Variants in TAF1A observed in about 807,000 individuals in gnomAD.
TAF1A encodes the protein TATA box-binding protein-associated factor RNA polymerase I subunit A.
A neutral mutation model predicts 61.6 loss-of-function variants in TAF1A; 42 were observed. That is an observed-to-expected ratio of 0.68 (90% confidence interval 0.53 to 0.88). The LOEUF is 0.88. Ranked by LOEUF, TAF1A falls within the 40% of genes least tolerant of loss-of-function variation. TAF1A has a pLI of 0.00. For missense variants in TAF1A, 424 were observed against 518.7 expected (o/e 0.82, Z 1.77); for synonymous variants, 179 against 177.7 (o/e 1.01, Z -0.06).
intron 7 of TAF1A, among the ~76,000 whole-genome samples, chr1:222,567,954 T>C: frequency 6.6e-6 from 1 of 152,146 alleles, no homozygotes; most frequent in Non-Finnish European, 1.5e-5. Flanking sequence ...TGAATTTTCA[T>C]CTATTGAGGT....
intron 5 of TAF1A, among the ~76,000 whole-genome samples, chr1:222,574,133 C>T (rs1265594580): frequency 6.6e-6 from 1 of 152,066 alleles, no homozygotes; most frequent in Non-Finnish European, 1.5e-5. Context: ...AATGGGAGAG[C>T]ACAGGGTTTC....
In TAF1A at chr1:222,577,448, G is replaced by A; in HGVS notation, c.601C>T (p.Leu201Phe). The change falls in exon 5 of 11, where the codon CTT becomes TTT. Residue 201 changes from leucine (L) to phenylalanine (F), a missense_variant. Coordinates refer to ENST00000352967, the MANE Select transcript of TAF1A (RefSeq NM_005681.4). The part of the protein sequence containing the change: ...WSEKKMELSK[L>F]DKDDYAYNAV... ...AAGTTTACCTGTATTCACTTACCAA[G>A]CTTTGACAATTCCATCTTCTTTTCA... The A allele has an allele frequency of 6.2e-7, 1 of 1,613,584 alleles. No individual in the cohort carries two copies. Among genetic ancestry groups the A allele is most frequent in the Non-Finnish European group, 8.5e-7 (1 of 1,179,684 alleles).
intron 3 of TAF1A, among the ~76,000 whole-genome samples, chr1:222,583,566 A>G (rs1660882452): frequency 1.3e-5 from 2 of 152,144 alleles, no homozygotes; most frequent in Non-Finnish European, 2.9e-5. Context: ...TAGGCTGGGC[A>G]TGGTGGCTCA....
At chr1:222,588,723 C>G (rs1318585230) in intron 1 of TAF1A, among the ~76,000 whole-genome samples, 158 bp from the exon 2 acceptor site, 1 of 152,144 alleles carries the variant, frequency 6.6e-6, no homozygotes, top group Non-Finnish European at 1.5e-5. Context: ...ATGAATTTAA[C>G]TATGTCAGCA....
rs139056207 is a variant in TAF1A at position 222,570,038 on chromosome 1, A to G, written c.736-370T>C. Among the ~76,000 whole-genome samples, 3 of 152,310 alleles carry G rather than the reference A, an allele frequency of 2.0e-5. No individual in the cohort carries two copies. The East Asian group carries it at 5.8e-4, about 29-fold the overall frequency. On this transcript the variant is annotated intron_variant, in intron 6 of 10. Transcript: ENST00000352967. ...TGATTTTGGAGATTATCTTCTGACA[A>G]CACAATTATCAACTTGCCACTCATT...
chr1:222,577,722 C>T (rs1424067585), intron 4 of TAF1A, 79 bp from the exon 5 acceptor site: 1 of 1,287,060 alleles, frequency 7.8e-7, no homozygotes, highest in Non-Finnish European at 1.1e-6. Context: ...ATATATAATA[C>T]ATGCTGGGCA....
downstream of TAF1A, among the ~76,000 whole-genome samples, chr1:222,554,130 C>T (rs1192876706): frequency 6.6e-6 from 1 of 152,176 alleles, no homozygotes; most frequent in Non-Finnish European, 1.5e-5. Context: ...ATTTGTTCTT[C>T]ATTTGGAAAA....
Position 222,558,541 on chromosome 1 carries a change from T to C in TAF1A, c.*119A>G, listed in dbSNP as rs1456062104. On this transcript the variant is annotated 3_prime_UTR_variant, in exon 11 of 11. Coordinates refer to ENST00000352967, the MANE Select transcript of TAF1A (RefSeq NM_005681.4). ...AATAATACAAAAATATAAAAATATA[T>C]AAAAATAAGTTTTTTGTAGTAATAT... is the stretch of plus-strand genomic sequence containing the variant. 7.9e-6 allele frequency: 3 copies of C among 380,594 alleles called. No individual in the cohort carries two copies. Among genetic ancestry groups the C allele is most frequent in the African/African-American group, 4.2e-5 (2 of 47,874 alleles). The allele number at this position is 380,594 out of a possible 1,614,324, so 23.6% of individuals were successfully genotyped here.
Position 222,579,783 on chromosome 1 carries a change from A to G in TAF1A, c.381T>C (p.Asn127=). 1.2e-6 allele frequency: 2 copies of G among 1,611,048 alleles called. No homozygotes were observed. Residue 127 remains asparagine, a synonymous_variant, in exon 4 of 11, where the codon AAT becomes AAC. Transcript: ENST00000352967. ...SFNTFANRMK[N]IGVMNYLKIS... Reference sequence around the variant, plus strand: ...CCTTTAAATAATTCATGACGCCAATATTTTTCATCCGGTTAGCAAAAGTAT... The same window carrying G: ...CCTTTAAATAATTCATGACGCCAATGTTTTTCATCCGGTTAGCAAAAGTAT...
At position 222,561,518 on chromosome 1, in the gene TAF1A, T is replaced by G; in HGVS notation, c.1086A>C (p.Gly362=). 5.0e-6 allele frequency: 8 copies of G among 1,586,108 alleles called. No homozygotes were observed. Among genetic ancestry groups the G allele is most frequent in the Non-Finnish European group, 6.8e-6 (8 of 1,169,198 alleles). ...CTTCTTGAACCCACGCAAGGTGGTTTCTGGAAAAGAAAAATGTCAAAAGAG... is the reference window on the plus strand; with the variant it reads ...CTTCTTGAACCCACGCAAGGTGGTTGCTGGAAAAGAAAAATGTCAAAAGAG... ...LAKYLKNILM[G]NHLAWVQEEW... The change falls in exon 10 of 11, where the codon GGA becomes GGC. Residue 362 remains glycine (G), a splice_region_variant and synonymous_variant. Coordinates refer to ENST00000352967, the MANE Select transcript of TAF1A (RefSeq NM_005681.4).
At chr1:222,583,729 T>G (rs1387536184) in intron 3 of TAF1A, among the ~76,000 whole-genome samples, 2 of 151,460 alleles carry the variant, frequency 1.3e-5, no homozygotes, top group Admixed American at 1.3e-4. Flanking sequence ...TCCCAGCTAC[T>G]CAGGAGGCTG....
chr1:222,584,439 T>C (rs1660930796), intron 2 of TAF1A, 142 bp from the exon 3 acceptor site: 2 of 646,958 alleles, frequency 3.1e-6, no homozygotes, highest in Non-Finnish European at 5.0e-6. Flanking sequence ...AAAGCCAGCT[T>C]CACTTGAAAC....
In TAF1A at chr1:222,569,652, C is replaced by A. The variant is rs1377302955; in HGVS notation, c.752G>T (p.Gly251Val). Residue 251 changes from glycine (G) to valine (V), a missense_variant, in exon 7 of 11, where the codon GGG becomes GTG. Coordinates refer to ENST00000352967, the MANE Select transcript of TAF1A (RefSeq NM_005681.4). ...TACCTCTTGGGCTCCATCTCGATCC[C>A]CATAGAATTCCAGCATCTATATAAA... ...KSYVEMLEFYGDRDGAQEVLT... is the reference protein window; with the variant it reads ...KSYVEMLEFYVDRDGAQEVLT... The A allele has an allele frequency of 6.2e-7, 1 of 1,611,628 alleles. No homozygotes were observed. The highest frequency in any genetic ancestry group is 1.7e-5 in the Admixed American group (1 of 59,454).
intron 3 of TAF1A, among the ~76,000 whole-genome samples, chr1:222,583,026 A>T (rs1400905030): frequency 6.6e-6 from 1 of 152,104 alleles, no homozygotes; most frequent in Non-Finnish European, 1.5e-5. Context: ...TCCACTAAAA[A>T]TACAAAAAAC....
At chr1:222,572,901 C>T (rs927206302) in intron 5 of TAF1A, among the ~76,000 whole-genome samples, 2 of 152,156 alleles carry the variant, frequency 1.3e-5, no homozygotes, top group Admixed American at 1.3e-4. Flanking sequence ...AAACCACAAG[C>T]AACAAAAGAA....
chr1:222,565,075 A>T (rs1660064485), intron 7 of TAF1A, among the ~76,000 whole-genome samples: 1 of 152,208 alleles, frequency 6.6e-6, no homozygotes, highest in South Asian at 2.1e-4. Flanking sequence ...GGTAACCAGC[A>T]CCCAGATCAA....
chr1:222,566,636 A>T (rs764805313), intron 7 of TAF1A, among the ~76,000 whole-genome samples: 1 of 152,138 alleles, frequency 6.6e-6, no homozygotes, highest in Non-Finnish European at 1.5e-5. Flanking sequence ...GGCTCCTATG[A>T]GAATCTAATG....
At chr1:222,578,256 G>A (rs1223271528) in intron 4 of TAF1A, among the ~76,000 whole-genome samples, 1 of 152,160 alleles carries the variant, frequency 6.6e-6, no homozygotes, top group Non-Finnish European at 1.5e-5. Context: ...CATTAAAGAG[G>A]AGAATAATGA....
intron 5 of TAF1A, among the ~76,000 whole-genome samples, chr1:222,571,802 T>C (rs1344353318): frequency 6.6e-6 from 1 of 152,198 alleles, no homozygotes; most frequent in Non-Finnish European, 1.5e-5. Flanking sequence ...ATACATGTAA[T>C]TCCTATCAAA....
Sources: allele counts gnomAD v4.1 joint callset (sites outside exome capture counted in the v4.1 genomes callset), GRCh38; gene constraint gnomAD v4.1.1; transcripts MANE v1.5; gene names NCBI Gene and HGNC (gene_info 2026-07-23, HGNC 2026-07-21).